Variants in DYSF observed in about 807,000 individuals in gnomAD.
DYSF encodes the protein dystrophy-associated fer-1-like 1.
A neutral mutation model predicts 274.9 loss-of-function variants in DYSF; 212 were observed. The observed-to-expected ratio is 0.77, with a 90% CI of 0.69 to 0.86. DYSF has a LOEUF of 0.86. DYSF is among the 40% of genes least tolerant of loss of function. The probability of loss-of-function intolerance (pLI) is 0.00; values close to 1 mark genes in which losing one functional copy is unlikely to be tolerated. For missense variants in DYSF, 2,666 were observed against 2,783.2 expected, an observed-to-expected ratio of 0.96 and a Z score of 0.95; for synonymous variants, 1,091 against 1,078.7, an observed-to-expected ratio of 1.01 and a Z score of -0.22.
At chr2:71,457,092 G>A (rs2081097992) in intron 1 of DYSF, among the ~76,000 whole-genome samples, 1 of 152,202 alleles carries the variant, frequency 6.6e-6, no homozygotes, top group African/African-American at 2.4e-5. Flanking sequence ...TTGTCAGGTG[G>A]TGTTTCTTGA....
rs2086993639 is a variant in DYSF at position 71,519,427 on chromosome 2, T to A, written c.1003-751T>A. Reference sequence around the variant, plus strand: ...GACGACTTTTTAAAACAGACTGTTGTAGGTTCACAGCAAAAATTAAGTGGA... The same window carrying A: ...GACGACTTTTTAAAACAGACTGTTGAAGGTTCACAGCAAAAATTAAGTGGA... On this transcript the variant is annotated intron_variant, in intron 10 of 55. Coordinates refer to ENST00000410020, the MANE Select transcript of DYSF (RefSeq NM_001130987.2). Among the ~76,000 whole-genome samples the A allele has an allele frequency of 4.6e-5, 7 of 152,264 alleles. No individual in the cohort carries two copies. In the South Asian group the frequency reaches 1.4e-3, roughly 32 times the overall value.
chr2:71,513,718 A>G lies in DYSF; in HGVS notation c.556A>G (p.Thr186Ala), dbSNP rs977005248. The G allele has an allele frequency of 6.2e-7, 1 of 1,613,760 alleles. No homozygotes were observed. The highest frequency in any genetic ancestry group is 2.2e-5 in the East Asian group (1 of 44,852). Reference protein sequence around the residue: ...SGKKWPAPTDTGGEEDTEDQG... With the variant: ...SGKKWPAPTDAGGEEDTEDQG... ...TCATTAGGGCCCTCTCCTCTTAGAC[A>G]CAGGAGGAGAGGAAGACACAGAGGA... Residue 186 changes from threonine to alanine, a missense_variant and splice_region_variant, in exon 7 of 56, where the codon ACA (threonine) becomes GCA (alanine). Thr to Ala is a moderately conservative substitution (Grantham distance 58). Coordinates refer to ENST00000410020, the MANE Select transcript of DYSF (RefSeq NM_001130987.2).
At chr2:71,634,725 T>TTAAA (rs2094369887) in intron 41 of DYSF, among the ~76,000 whole-genome samples, 1 of 152,196 alleles carries the variant, frequency 6.6e-6, no homozygotes, top group Non-Finnish European at 1.5e-5. Context: ...ATCTTCCTCC[T>TTAAA]TAACCCTGGG....
At chr2:71,521,726 G>A (rs376482144) in intron 12 of DYSF, among the ~76,000 whole-genome samples, 9 of 152,214 alleles carry the variant, frequency 5.9e-5, no homozygotes, top group Non-Finnish European at 1.0e-4. Flanking sequence ...CCACCTGGAC[G>A]TGCTGCTTGG....
intron 54 of DYSF, among the ~76,000 whole-genome samples, chr2:71,682,310 C>T (rs1232872715): frequency 6.6e-6 from 1 of 151,880 alleles, no homozygotes; most frequent in Non-Finnish European, 1.5e-5. Context: ...CTTGGCAGCA[C>T]CCAGAAGAGG....
At chr2:71,672,043 C>G (rs753577103) in intron 51 of DYSF, among the ~76,000 whole-genome samples, 1 of 151,986 alleles carries the variant, frequency 6.6e-6, no homozygotes, top group Non-Finnish European at 1.5e-5. Context: ...GGGGAAGGGA[C>G]GTTCTCCGTG....
intron 23 of DYSF, 100 bp downstream of exon 23, chr2:71,562,044 C>G: frequency 6.8e-7 from 1 of 1,478,156 alleles, no homozygotes; most frequent in Non-Finnish European, 9.2e-7. Flanking sequence ...TTACCCACCC[C>G]GGTTCCATTG....
chr2:71,589,638 A>G lies in DYSF; in HGVS notation c.3448A>G (p.Thr1150Ala), dbSNP rs2093191014. 1.2e-6 allele frequency: 2 copies of G among 1,614,034 alleles called. No homozygotes were observed. Among genetic ancestry groups the G allele is most frequent in the Non-Finnish European group, 1.7e-6 (2 of 1,180,000 alleles). Reference protein sequence around the residue: ...DKSEDSMSVSTLSFGVNRPTI... With the variant: ...DKSEDSMSVSALSFGVNRPTI... ...GAGTGAAGATTCCATGTCCGTCTCCACCTTGAGCTTCGGTGTGAACAGACC... is the reference window on the plus strand; with the variant it reads ...GAGTGAAGATTCCATGTCCGTCTCCGCCTTGAGCTTCGGTGTGAACAGACC... Residue 1150 changes from threonine to alanine, a missense_variant, in exon 31 of 56, where the codon ACC becomes GCC. Coordinates refer to ENST00000410020, the MANE Select transcript of DYSF (RefSeq NM_001130987.2).
chr2:71,566,600 C>T (rs1460355505), intron 24 of DYSF, among the ~76,000 whole-genome samples: 1 of 151,776 alleles, frequency 6.6e-6, no homozygotes, highest in Non-Finnish European at 1.5e-5. Context: ...GTCCAGCAGG[C>T]TGGCCCCGTC....
chr2:71,647,915 T>C (rs2094592393), intron 42 of DYSF, among the ~76,000 whole-genome samples: 1 of 152,204 alleles, frequency 6.6e-6, no homozygotes, highest in African/African-American at 2.4e-5. Flanking sequence ...ACGGAAACTT[T>C]GGAGACAGGT....
chr2:71,507,343 A>C (rs10190993), intron 4 of DYSF, among the ~76,000 whole-genome samples: 9,688 of 152,288 alleles, frequency 0.064, 463 homozygotes, highest in African/African-American at 0.12. Context: ...CCTCAGCTCA[A>C]TGGGGTCCAC....
intron 52 of DYSF, among the ~76,000 whole-genome samples, chr2:71,676,029 G>A (rs1321752417): frequency 6.6e-6 from 1 of 152,082 alleles, no homozygotes; most frequent in Non-Finnish European, 1.5e-5. Flanking sequence ...CTTAATGCCT[G>A]CCTATGTTTT....
At chr2:71,511,976 C>T in intron 5 of DYSF, 55 bp downstream of exon 5, 1 of 1,165,344 alleles carries the variant, frequency 8.6e-7, no homozygotes, top group Non-Finnish European at 1.3e-6. Context: ...GGCAGTGGCA[C>T]TTGAGCCTGG....
At chr2:71,479,534 T>C (rs2082709437) in intron 1 of DYSF, among the ~76,000 whole-genome samples, 1 of 152,178 alleles carries the variant, frequency 6.6e-6, no homozygotes, top group South Asian at 2.1e-4. Flanking sequence ...ACCTGCCTGT[T>C]TCTCCCAGCC....
chr2:71,455,144 C>T (rs1053545109), intron 1 of DYSF, among the ~76,000 whole-genome samples: 1 of 152,194 alleles, frequency 6.6e-6, no homozygotes, highest in Admixed American at 6.5e-5. Context: ...ACACCATCTG[C>T]ACATATGATC....
At chr2:71,578,160 T>A (rs1039322849) in intron 30 of DYSF, among the ~76,000 whole-genome samples, 1 of 152,186 alleles carries the variant, frequency 6.6e-6, no homozygotes, top group Non-Finnish European at 1.5e-5. Flanking sequence ...CAGGGTCTGG[T>A]GGGCCCCGAG....
chr2:71,675,075 T>C (rs772135905), intron 52 of DYSF, among the ~76,000 whole-genome samples: 9 of 152,024 alleles, frequency 5.9e-5, no homozygotes, highest in Non-Finnish European at 1.2e-4. Flanking sequence ...TTATATGGCT[T>C]CATGTATATG....
chr2:71,551,669 C>T lies in DYSF; in HGVS notation c.1755C>T (p.His585=). ...LLSLETKLVE[H]SEQKVEDLPA... ...CCCTGGAGACCAAGCTGGTGGAGCACAGTGAACAGAAGGTGGAGGACCTTC... is the reference window on the plus strand; with the variant it reads ...CCCTGGAGACCAAGCTGGTGGAGCATAGTGAACAGAAGGTGGAGGACCTTC... The change falls in exon 19 of 56, where the codon CAC becomes CAT. Residue 585 remains histidine, a synonymous_variant. Transcript: ENST00000410020. 6.2e-7 allele frequency: 1 copy of T among 1,611,252 alleles called. No homozygotes were observed. Among genetic ancestry groups the T allele is most frequent in the Non-Finnish European group, 8.5e-7 (1 of 1,179,498 alleles).
intron 4 of DYSF, among the ~76,000 whole-genome samples, chr2:71,506,870 G>A (rs1002280552): frequency 2.0e-4 from 30 of 152,050 alleles, no homozygotes; most frequent in Admixed American, 1.8e-3. Context: ...GAGCTGCAGG[G>A]ATGTCCCTGT....
Sources: allele counts gnomAD v4.1 joint callset (sites outside exome capture counted in the v4.1 genomes callset), GRCh38; gene constraint gnomAD v4.1.1; transcripts MANE v1.5; gene names NCBI Gene and HGNC (gene_info 2026-07-23, HGNC 2026-07-21).